Variants in PCDH9 observed in about 807,000 individuals in gnomAD.
The protein encoded by PCDH9 is protocadherin-9.
A neutral mutation model predicts 70.6 loss-of-function variants in PCDH9; 24 were observed. That is an observed-to-expected ratio of 0.34 (90% CI 0.25 to 0.48). The LOEUF is 0.48. Ranked by LOEUF, PCDH9 falls within the 20% of genes least tolerant of loss-of-function variation. The pLI is 0.99. For missense variants in PCDH9, 1,281 were observed against 1,503.6 expected, an observed-to-expected ratio of 0.85 and a Z score of 2.45; for synonymous variants, 562 against 558.5, an observed-to-expected ratio of 1.01 and a Z score of -0.09.
chr13:67,083,096 T>C (rs2086018875), intron 2 of PCDH9, among the ~76,000 whole-genome samples: 1 of 152,120 alleles, frequency 6.6e-6, no homozygotes, highest in South Asian at 2.1e-4. Context: ...TTCTTCTAAC[T>C]GGATAAGATT....
intron 2 of PCDH9, among the ~76,000 whole-genome samples, chr13:66,990,025 C>G (rs2083969823): frequency 6.6e-6 from 1 of 151,862 alleles, no homozygotes; most frequent in Non-Finnish European, 1.5e-5. Context: ...GTATCATTAA[C>G]TCTTTGTAAC....
chr13:66,613,234 C>A, intron 4 of PCDH9, among the ~76,000 whole-genome samples: 1 of 152,298 alleles, frequency 6.6e-6, no homozygotes, highest in East Asian at 1.9e-4. Flanking sequence ...TTCGCCACTG[C>A]TGCAGACTTC....
chr13:66,776,973 C>T (rs1236104585), intron 3 of PCDH9, among the ~76,000 whole-genome samples: 2 of 151,038 alleles, frequency 1.3e-5, no homozygotes, highest in African/African-American at 4.9e-5. Context: ...AGAAATAACG[C>T]CGCATATCTA....
At chr13:66,890,134 T>C (rs1044102322) in intron 3 of PCDH9, among the ~76,000 whole-genome samples, 10 of 152,158 alleles carry the variant, frequency 6.6e-5, no homozygotes, top group African/African-American at 1.9e-4. Flanking sequence ...TAATGAAAGA[T>C]ATTAGATGTT....
intron 2 of PCDH9, among the ~76,000 whole-genome samples, chr13:66,918,402 A>G (rs1275896458): frequency 1.3e-5 from 2 of 151,354 alleles, no homozygotes; most frequent in Non-Finnish European, 3.0e-5. Flanking sequence ...TGTGTTCAAC[A>G]TTGACTTTTA....
chr13:66,554,268 TTAAA>T (rs1334158674), intron 4 of PCDH9, among the ~76,000 whole-genome samples: 1 of 152,166 alleles, frequency 6.6e-6, no homozygotes, highest in Non-Finnish European at 1.5e-5. Context: ...TTTCTAGTCA[TTAAA>T]TATACAGCCA....
intron 4 of PCDH9, among the ~76,000 whole-genome samples, chr13:66,428,286 C>T (rs1225765411): frequency 1.3e-5 from 2 of 151,688 alleles, no homozygotes; most frequent in African/African-American, 4.8e-5. Context: ...GGAAAACTCT[C>T]AGATAAGTAA....
chr13:67,044,399 C>A (rs1201379208), intron 2 of PCDH9, among the ~76,000 whole-genome samples: 1 of 152,082 alleles, frequency 6.6e-6, no homozygotes, highest in East Asian at 1.9e-4. Flanking sequence ...AATGATACCC[C>A]AAATGCCAAT....
At chr13:66,879,377 A>G (rs1216072760) in intron 3 of PCDH9, among the ~76,000 whole-genome samples, 1 of 152,122 alleles carries the variant, frequency 6.6e-6, no homozygotes, top group Non-Finnish European at 1.5e-5. Flanking sequence ...TCTACTCCAA[A>G]ATGTATTCTT....
intron 4 of PCDH9, among the ~76,000 whole-genome samples, chr13:66,572,757 CT>C (rs2076750479): frequency 1.3e-5 from 2 of 152,012 alleles, no homozygotes; most frequent in East Asian, 3.9e-4. Context: ...TATAGTATTT[CT>C]TTTTTCTTTC....
chr13:67,195,423 G>A (rs1163854670), intron 2 of PCDH9, among the ~76,000 whole-genome samples: 2 of 152,110 alleles, frequency 1.3e-5, no homozygotes. Context: ...GATTACAGGC[G>A]TGAGCCACCG....
At chr13:67,047,097 G>A (rs900655438) in intron 2 of PCDH9, among the ~76,000 whole-genome samples, 3 of 152,156 alleles carry the variant, frequency 2.0e-5, no homozygotes, top group South Asian at 2.1e-4. Context: ...GGGAAAGAGG[G>A]AGAAGCACTT....
chr13:67,222,424 T>C (rs1057035513), intron 2 of PCDH9: 27 of 152,140 alleles, frequency 1.8e-4, no homozygotes, highest in African/African-American at 4.1e-4. Context: ...ATTTACAGTG[T>C]TTCCTATGTT....
At chr13:66,691,331 C>A (rs79400521) in intron 3 of PCDH9, among the ~76,000 whole-genome samples, 2,588 of 152,268 alleles carry the variant, frequency 0.017, 84 homozygotes, top group African/African-American at 0.059. Context: ...AGCCACCGCA[C>A]CCGGCCAACA....
At chr13:66,758,612 A>G (rs1223663412) in intron 3 of PCDH9, among the ~76,000 whole-genome samples, 1 of 151,934 alleles carries the variant, frequency 6.6e-6, no homozygotes, top group African/African-American at 2.4e-5. Context: ...TCTGGTTTTA[A>G]TATTAGAGTA....
In PCDH9 at chr13:67,049,502, C is replaced by A. The variant is rs1055860473; in HGVS notation, c.3037-145897G>T. ...TCAAGGGGCAGATTATTATAGTTCT[C>A]GCCTCATTGTTGGTGGAGCATAAGC... On this transcript the variant is annotated intron_variant, in intron 2 of 4. Coordinates refer to ENST00000377865, the MANE Select transcript of PCDH9 (RefSeq NM_203487.3). 3.3e-5 allele frequency among the ~76,000 whole-genome samples: 5 copies of A among 152,250 alleles called. 1 individual carries two copies. The highest frequency in any genetic ancestry group is 4.2e-4 in the South Asian group (2 of 4,816).
chr13:66,875,649 G>A (rs2081794134), intron 3 of PCDH9, among the ~76,000 whole-genome samples: 1 of 152,070 alleles, frequency 6.6e-6, no homozygotes, highest in South Asian at 2.1e-4. Context: ...CTTACCATAA[G>A]AATCACGTTT....
intron 4 of PCDH9, among the ~76,000 whole-genome samples, chr13:66,556,367 T>C (rs1399803834): frequency 6.6e-6 from 1 of 152,154 alleles, no homozygotes; most frequent in Non-Finnish European, 1.5e-5. Context: ...TTTGCCATCC[T>C]CATGTAGCTG....
intron 4 of PCDH9, among the ~76,000 whole-genome samples, chr13:66,326,472 G>A (rs1050540142): frequency 6.6e-6 from 1 of 151,008 alleles, no homozygotes. Context: ...AGGCTGGAGT[G>A]CAGTGGCGCG....
Sources: allele counts gnomAD v4.1 joint callset (sites outside exome capture counted in the v4.1 genomes callset), GRCh38; gene constraint gnomAD v4.1.1; transcripts MANE v1.5; gene names NCBI Gene and HGNC (gene_info 2026-07-23, HGNC 2026-07-21).